The following ARHGAP44 variants were observed in gnomAD, a reference collection of about 807,000 sequenced individuals.
ARHGAP44 encodes the protein rho GTPase-activating protein 44.
In ARHGAP44, 43 loss-of-function variants were observed where a neutral mutation model predicts 106.8. The ratio of observed to expected loss-of-function variants is 0.40; its 90% CI spans 0.32 to 0.52. The LOEUF (loss-of-function observed/expected upper bound fraction) is 0.52. ARHGAP44 is among the 20% of genes least tolerant of loss of function. ARHGAP44 has a pLI of 0.48. For synonymous variants in ARHGAP44, 439 were observed against 410.3 expected (o/e 1.07, Z -0.85); for missense variants, 866 against 1,050.5 (o/e 0.82, Z 2.43).
chr17:12,975,295 A>G (rs532135262), intron 18 of ARHGAP44, among the ~76,000 whole-genome samples: 2 of 152,028 alleles, frequency 1.3e-5, no homozygotes, highest in Non-Finnish European at 2.9e-5. Context: ...CCTTCTCTTT[A>G]TAGTCATAGC....
At chr17:12,791,921 A>G (rs2033774145) in intron 1 of ARHGAP44, among the ~76,000 whole-genome samples, 1 of 152,144 alleles carries the variant, frequency 6.6e-6, no homozygotes, top group Admixed American at 6.5e-5. Context: ...AAGCCTTTTA[A>G]AGCAAAAACC....
At chr17:12,905,096 A>T (rs2037508548) in intron 3 of ARHGAP44, among the ~76,000 whole-genome samples, 1 of 147,746 alleles carries the variant, frequency 6.8e-6, no homozygotes. Context: ...GTATTTTTAG[A>T]AGAGACGGGG....
At chr17:12,956,280 G>A (rs1374607608) in intron 14 of ARHGAP44, among the ~76,000 whole-genome samples, 3 of 152,140 alleles carry the variant, frequency 2.0e-5, no homozygotes, top group Non-Finnish European at 4.4e-5. Flanking sequence ...GGTCAGGCAA[G>A]CTCTTAGACT....
intron 1 of ARHGAP44, among the ~76,000 whole-genome samples, chr17:12,823,304 AT>A (rs1156543312): frequency 6.6e-6 from 1 of 152,142 alleles, no homozygotes; most frequent in African/African-American, 2.4e-5. Context: ...GTGAGCCCCA[AT>A]TCTTGCCTCA....
At chr17:12,892,143 A>C (rs2037068128) in intron 1 of ARHGAP44, among the ~76,000 whole-genome samples, 1 of 152,136 alleles carries the variant, frequency 6.6e-6, no homozygotes. Context: ...GCTGATGACA[A>C]ATTTTGTCAA....
rs1483548593 is a variant in ARHGAP44, at chr17:12,943,667, AGG to A, written c.733_733+1del. On this transcript the variant is annotated frameshift_variant and splice_region_variant, in exon 9 of 21. Transcript: ENST00000379672. LOFTEE classifies it high-confidence loss of function. ...GTATTGCCTCAGATCAAAGCACAAC[AGG>A]GTAAGTGCAGGCCTTCCCTGGAGAA... The A allele has an allele frequency of 6.2e-7, 1 of 1,613,698 alleles. No homozygotes were observed. The highest frequency in any genetic ancestry group is 8.5e-7 in the Non-Finnish European group (1 of 1,179,842).
At chr17:12,893,153 A>G (rs189583509) in intron 1 of ARHGAP44, among the ~76,000 whole-genome samples, 54 of 152,220 alleles carry the variant, frequency 3.5e-4, no homozygotes, top group African/African-American at 1.3e-3. Context: ...GAGCTGGGGT[A>G]GAAGTCCAGA....
intron 20 of ARHGAP44, chr17:12,985,192 TGAGTCATTTG>T (rs1358305460): frequency 2.9e-5 from 11 of 376,004 alleles, no homozygotes; most frequent in Non-Finnish European, 5.2e-5. Flanking sequence ...TTGAAGACAC[TGAGTCATTTG>T]GAGTGGGGCC....
At chr17:12,951,164 G>T (rs1390801803) in intron 12 of ARHGAP44, among the ~76,000 whole-genome samples, 3 of 152,120 alleles carry the variant, frequency 2.0e-5, no homozygotes, top group African/African-American at 7.2e-5. Flanking sequence ...TAATTACAAC[G>T]TTACCATTTA....
chr17:12,813,974 T>G (rs2034516285), intron 1 of ARHGAP44, among the ~76,000 whole-genome samples: 1 of 152,182 alleles, frequency 6.6e-6, no homozygotes, highest in Non-Finnish European at 1.5e-5. Flanking sequence ...AGATTTCATC[T>G]AAATATTCAG....
chr17:12,818,335 G>GAAAAAAA (rs376432420), intron 1 of ARHGAP44, among the ~76,000 whole-genome samples: 75 of 91,548 alleles, frequency 8.2e-4, no homozygotes, highest in African/African-American at 1.5e-3. Flanking sequence ...ATCTGGAAAA[G>GAAAAAAA]AAAAAAAAAA....
intron 6 of ARHGAP44, among the ~76,000 whole-genome samples, chr17:12,925,405 G>A (rs1418358428): frequency 6.6e-6 from 1 of 152,152 alleles, no homozygotes; most frequent in East Asian, 1.9e-4. Context: ...CTTAAAAAGT[G>A]GGGGATGCCC....
At chr17:12,848,292 T>C (rs1468995903) in intron 1 of ARHGAP44, among the ~76,000 whole-genome samples, 3 of 152,166 alleles carry the variant, frequency 2.0e-5, no homozygotes, top group African/African-American at 7.2e-5. Flanking sequence ...AGTGCCATTT[T>C]TTTTCCCGAA....
chr17:12,867,899 G>A (rs2036279373), intron 1 of ARHGAP44, among the ~76,000 whole-genome samples: 1 of 152,150 alleles, frequency 6.6e-6, no homozygotes, highest in African/African-American at 2.4e-5. Context: ...AGGTGATGTG[G>A]TTAGTGCAGG....
At chr17:12,860,048 C>T (rs2036023863) in intron 1 of ARHGAP44, among the ~76,000 whole-genome samples, 1 of 152,134 alleles carries the variant, frequency 6.6e-6, no homozygotes, top group African/African-American at 2.4e-5. Context: ...AAGCAGACTC[C>T]TGGAGGGCTG....
At chr17:12,821,561 T>C (rs1231513293) in intron 1 of ARHGAP44, among the ~76,000 whole-genome samples, 1 of 152,140 alleles carries the variant, frequency 6.6e-6, no homozygotes, top group African/African-American at 2.4e-5. Context: ...ACAGCATAGG[T>C]GGGGCAGATA....
At position 12,952,843 on chromosome 17, in the gene ARHGAP44, C is replaced by T. The variant is rs1226032441; in HGVS notation, c.1136+262C>T. 3.3e-5 allele frequency among the ~76,000 whole-genome samples: 5 copies of T among 150,402 alleles called. No individual in the cohort carries two copies. The East Asian group carries it at 7.9e-4, about 24-fold the overall frequency. On this transcript the variant is annotated intron_variant, in intron 13 of 20. Coordinates refer to ENST00000379672, the MANE Select transcript of ARHGAP44 (RefSeq NM_014859.6). ...CCGCCTCCCAGGTTCACACCATTCT[C>T]CTGCCTCAGCCTCCCGAGTAGCTAT...
intron 1 of ARHGAP44, among the ~76,000 whole-genome samples, chr17:12,798,219 A>T (rs2033982112): frequency 6.6e-6 from 1 of 152,122 alleles, no homozygotes. Flanking sequence ...ATTGTCTAGG[A>T]CTTATAGAAC....
At chr17:12,821,537 C>T (rs936201165) in intron 1 of ARHGAP44, among the ~76,000 whole-genome samples, 2 of 152,152 alleles carry the variant, frequency 1.3e-5, no homozygotes, top group Admixed American at 6.5e-5. Flanking sequence ...GTATGAGTTA[C>T]AGAAGTTGGA....
Sources: gnomAD v4.1 joint callset for allele counts (sites outside exome capture counted in the v4.1 genomes callset) on GRCh38, gnomAD v4.1.1 for gene constraint, MANE v1.5 for transcripts, NCBI Gene and HGNC (gene_info 2026-07-23, HGNC 2026-07-21) for gene names.